Variants in UNC5D observed in about 807,000 individuals in gnomAD.
UNC5D encodes the protein unc-5 netrin receptor D, also known as netrin receptor UNC5D.
In UNC5D, 39 loss-of-function variants were observed where a neutral mutation model predicts 105.4. The ratio of observed to expected loss-of-function variants is 0.37; its 90% confidence interval spans 0.29 to 0.48. The LOEUF (loss-of-function observed/expected upper bound fraction) is 0.48. Ranked by LOEUF, UNC5D falls within the 20% of genes least tolerant of loss-of-function variation. The pLI is 0.98. For missense variants in UNC5D, 991 were observed against 1,202.4 expected, an observed-to-expected ratio of 0.82 and a Z score of 2.60; for synonymous variants, 452 against 450.4, an observed-to-expected ratio of 1.00 and a Z score of -0.04.
Position 35,598,959 on chromosome 8 carries a change from A to G in UNC5D, c.570+3302A>G, listed in dbSNP as rs560895976. Among the ~76,000 whole-genome samples the G allele has an allele frequency of 1.4e-4, 22 of 152,142 alleles. 1 individual carries two copies. In the South Asian group the frequency reaches 3.3e-3, roughly 23 times the overall value. ...GGAGTTTGAGACCAGCCTGCCTAAC[A>G]TGATGAAACCCCATTTCTACTAAAA... On this transcript the variant is annotated intron_variant, in intron 4 of 16. Coordinates refer to ENST00000404895, the MANE Select transcript of UNC5D (RefSeq NM_080872.4).
In UNC5D at chr8:35,722,408, G is replaced by C; in HGVS notation, c.1303+13G>C. The stretch of plus-strand genomic sequence containing the variant: ...ACAGTCCGTCAAGGTCAGCGGCATA[G>C]GTCCCTCCACACCTCGTCCTCAGTG... On this transcript the variant is annotated intron_variant, in intron 9 of 16. Coordinates refer to ENST00000404895, the MANE Select transcript of UNC5D (RefSeq NM_080872.4). 6.2e-7 allele frequency: 1 copy of C among 1,611,380 alleles called. No homozygotes were observed. The highest frequency in any genetic ancestry group is 1.1e-5 in the South Asian group (1 of 90,714).
intron 1 of UNC5D, among the ~76,000 whole-genome samples, chr8:35,318,766 T>C (rs1218766048): frequency 6.6e-6 from 1 of 152,070 alleles, no homozygotes; most frequent in Non-Finnish European, 1.5e-5. Context: ...TAAGGCTGTG[T>C]TTCACTGAGC....
At chr8:35,533,964 T>G (rs1814632858) in intron 1 of UNC5D, among the ~76,000 whole-genome samples, 2 of 152,278 alleles carry the variant, frequency 1.3e-5, no homozygotes, top group East Asian at 3.9e-4. Flanking sequence ...CCTAGTGAGA[T>G]AAACCCGGTA....
intron 3 of UNC5D, among the ~76,000 whole-genome samples, chr8:35,571,279 G>C (rs1432956358): frequency 6.6e-6 from 1 of 152,180 alleles, no homozygotes; most frequent in African/African-American, 2.4e-5. Flanking sequence ...TATCAAAGAT[G>C]TAATAAAGAT....
intron 1 of UNC5D, among the ~76,000 whole-genome samples, chr8:35,362,421 C>A (rs1801906043): frequency 6.6e-6 from 1 of 152,150 alleles, no homozygotes; most frequent in Non-Finnish European, 1.5e-5. Flanking sequence ...AGAGCACTTT[C>A]TAGCTAAGTG....
At chr8:35,736,857 G>C (rs1829495707) in intron 11 of UNC5D, among the ~76,000 whole-genome samples, 1 of 152,218 alleles carries the variant, frequency 6.6e-6, no homozygotes, top group Non-Finnish European at 1.5e-5. Flanking sequence ...ATAAGGACTA[G>C]ATCGTGTAGC....
rs1224164293 is a variant in UNC5D, at chr8:35,621,696, C to T, written c.570+26039C>T. On this transcript the variant is annotated intron_variant, in intron 4 of 16. Coordinates refer to ENST00000404895, the MANE Select transcript of UNC5D (RefSeq NM_080872.4). ...GAACTGGTAGGTCAAAAATTCACAC[C>T]ATAGATGAATACCATCAGGCCACTA... Among the ~76,000 whole-genome samples the T allele has an allele frequency of 3.9e-5, 6 of 152,062 alleles. No individual in the cohort carries two copies. In the East Asian group the frequency reaches 1.2e-3, roughly 29 times the overall value.
chr8:35,290,765 G>A (rs1304553622), intron 1 of UNC5D, among the ~76,000 whole-genome samples: 2 of 151,844 alleles, frequency 1.3e-5, no homozygotes, highest in African/African-American at 2.4e-5. Context: ...CCTGACCAAC[G>A]TGGAGAAACC....
Position 35,684,060 on chromosome 8 carries a change from A to G in UNC5D, c.751+333A>G, listed in dbSNP as rs1396761439. 5.3e-5 allele frequency among the ~76,000 whole-genome samples: 8 copies of G among 152,282 alleles called. No homozygotes were observed. The South Asian group carries it at 1.7e-3, about 32-fold the overall frequency. On this transcript the variant is annotated intron_variant, in intron 5 of 16. Transcript: ENST00000404895. The stretch of plus-strand genomic sequence containing the variant: ...CAACTTCTGCTTCCCACGCCTCTCA[A>G]ACCCAACACTCACCCCAGTTTTTCC...
In UNC5D at chr8:35,728,021, G is replaced by A. The variant is rs189477737; in HGVS notation, c.1681+1492G>A. Among the ~76,000 whole-genome samples the A allele has an allele frequency of 5.2e-3, 693 of 132,750 alleles. 10 individuals are homozygous for A. Among genetic ancestry groups the A allele is most frequent in the African/African-American group, 0.018 (654 of 35,954 alleles). 87.1% of individuals were successfully genotyped at this position (132,750 alleles called of 152,430 possible). A position where few individuals can be genotyped will look rare whatever the true frequency, so the allele number is the denominator to read the frequency against. ...GGAGGCTGAGGTGGGGAAATCGCTTGAGTCTAGGAATTCGAGACCAGCGAG... is the reference window on the plus strand; with the variant it reads ...GGAGGCTGAGGTGGGGAAATCGCTTAAGTCTAGGAATTCGAGACCAGCGAG... On this transcript the variant is annotated intron_variant, in intron 10 of 16. Transcript: ENST00000404895.
At chr8:35,736,040 T>C (rs997134501) in intron 11 of UNC5D, among the ~76,000 whole-genome samples, 3 of 152,186 alleles carry the variant, frequency 2.0e-5, no homozygotes, top group African/African-American at 7.2e-5. Flanking sequence ...TTTGTGGCTA[T>C]TCTAAACTGC....
chr8:35,412,525 C>G (rs1333786595), intron 1 of UNC5D, among the ~76,000 whole-genome samples: 1 of 151,450 alleles, frequency 6.6e-6, no homozygotes, highest in East Asian at 1.9e-4. Flanking sequence ...TCCTAAATAC[C>G]ACAGGTTCTT....
At chr8:35,585,084 C>A (rs1239994194) in intron 3 of UNC5D, among the ~76,000 whole-genome samples, 2 of 152,158 alleles carry the variant, frequency 1.3e-5, no homozygotes, top group East Asian at 3.8e-4. Flanking sequence ...ACTGCAGGCA[C>A]AACTATATCT....
intron 8 of UNC5D, among the ~76,000 whole-genome samples, chr8:35,714,368 C>A (rs1038207998): frequency 6.6e-6 from 1 of 152,168 alleles, no homozygotes; most frequent in East Asian, 1.9e-4. Context: ...TTTTGCCCAG[C>A]GAGCAGGAAG....
At chr8:35,620,247 G>T (rs1821277937) in intron 4 of UNC5D, among the ~76,000 whole-genome samples, 1 of 152,098 alleles carries the variant, frequency 6.6e-6, no homozygotes, top group Non-Finnish European at 1.5e-5. Flanking sequence ...CAGTAACTTT[G>T]ATCCCATTGG....
At chr8:35,684,158 T>C (rs1825855757) in intron 5 of UNC5D, among the ~76,000 whole-genome samples, 2 of 152,174 alleles carry the variant, frequency 1.3e-5, no homozygotes. Context: ...ATTTGCTGAA[T>C]ATCTCAGGTA....
intron 4 of UNC5D, among the ~76,000 whole-genome samples, chr8:35,600,826 G>T (rs1030165958): frequency 6.6e-6 from 1 of 152,204 alleles, no homozygotes; most frequent in Admixed American, 6.5e-5. Context: ...TGTCAATTTT[G>T]TCTTTTGTTG....
intron 1 of UNC5D, among the ~76,000 whole-genome samples, chr8:35,302,566 G>C (rs1404750537): frequency 6.6e-6 from 1 of 152,210 alleles, no homozygotes; most frequent in Admixed American, 6.5e-5. Flanking sequence ...ATAGACCAAA[G>C]AGAGTAGGGA....
intron 2 of UNC5D, among the ~76,000 whole-genome samples, chr8:35,566,871 T>A (rs1817376664): frequency 2.6e-5 from 4 of 152,186 alleles, no homozygotes; most frequent in African/African-American, 7.2e-5. Context: ...GAGGACGTGC[T>A]GGCTGTGAAG....
Sources: gnomAD v4.1 joint callset for allele counts (sites outside exome capture counted in the v4.1 genomes callset) on GRCh38, gnomAD v4.1.1 for gene constraint, MANE v1.5 for transcripts, NCBI Gene and HGNC (gene_info 2026-07-23, HGNC 2026-07-21) for gene names.